The following GRID1 variants were observed in gnomAD, a reference collection of about 807,000 sequenced individuals.
GRID1 encodes glutamate receptor ionotropic, delta-1.
Under a neutral mutation model 98.0 loss-of-function variants are expected in GRID1, and 28 were observed. The observed-to-expected ratio is 0.29, with a 90% CI of 0.21 to 0.39. The LOEUF (loss-of-function observed/expected upper bound fraction) is 0.39, where lower values mean the gene tolerates loss of function less well. Ranked by LOEUF, GRID1 falls within the 10% of genes least tolerant of loss-of-function variation. The pLI is 1.00. For missense variants in GRID1, 1,111 were observed against 1,340.5 expected, an observed-to-expected ratio of 0.83 and a Z score of 2.67; for synonymous variants, 553 against 538.5, an observed-to-expected ratio of 1.03 and a Z score of -0.37.
At chr10:86,132,139 G>T (rs1334723075) in intron 4 of GRID1, among the ~76,000 whole-genome samples, 1 of 152,134 alleles carries the variant, frequency 6.6e-6, no homozygotes, top group Non-Finnish European at 1.5e-5. Context: ...CCAGAGGCCT[G>T]CAAGACCAGT....
chr10:86,130,516 G>GAAGGA (rs1461765496), intron 4 of GRID1, among the ~76,000 whole-genome samples: 1 of 152,234 alleles, frequency 6.6e-6, no homozygotes, highest in African/African-American at 2.4e-5. Context: ...ACACAGTAGA[G>GAAGGA]AAGGAGAGGA....
intron 12 of GRID1, among the ~76,000 whole-genome samples, chr10:85,649,725 TA>T (rs1369930056): frequency 4.6e-5 from 7 of 152,134 alleles, no homozygotes; most frequent in African/African-American, 1.7e-4. Context: ...TATTATTCAT[TA>T]AGGCGCCCAC....
intron 4 of GRID1, among the ~76,000 whole-genome samples, chr10:86,121,583 C>G (rs368731782): frequency 3.5e-4 from 37 of 106,908 alleles, no homozygotes; most frequent in East Asian, 1.7e-3. Flanking sequence ...ACATCACCAC[C>G]ATCACCATCA....
At chr10:85,946,226 T>A (rs1842052085) in intron 4 of GRID1, among the ~76,000 whole-genome samples, 1 of 152,196 alleles carries the variant, frequency 6.6e-6, no homozygotes, top group Non-Finnish European at 1.5e-5. Flanking sequence ...CAAGGTACTA[T>A]AAAGAGTCTG....
intron 3 of GRID1, among the ~76,000 whole-genome samples, chr10:86,196,022 G>C (rs1845867230): frequency 6.6e-6 from 1 of 152,074 alleles, no homozygotes; most frequent in Non-Finnish European, 1.5e-5. Flanking sequence ...CCTCACATCA[G>C]AAGAGGAAAA....
At position 85,906,323 on chromosome 10, in the gene GRID1, C is replaced by A. The variant is rs76585774; in HGVS notation, c.780+9863G>T. Among the ~76,000 whole-genome samples the A allele has an allele frequency of 2.5e-3, 377 of 152,120 alleles. 3 individuals are homozygous for A. The highest frequency in any genetic ancestry group is 8.9e-3 in the African/African-American group (368 of 41,526). ...ATTAAGGATGAGTATTTTAATACTC[C>A]TCTCTAAATAATTGATAGAAAAAGT... On this transcript the variant is annotated intron_variant, in intron 5 of 15. Transcript: ENST00000327946.
In GRID1 at chr10:85,971,330, C is replaced by A. The variant is rs1842404795; in HGVS notation, c.727-55091G>T. On this transcript the variant is annotated intron_variant, in intron 4 of 15. Transcript: ENST00000327946. Reference sequence around the variant, plus strand: ...AAGGCAGTAACCATTTAAAAATAATCAATCATACTTTATTAAAAAGTAATA... The same window carrying A: ...AAGGCAGTAACCATTTAAAAATAATAAATCATACTTTATTAAAAAGTAATA... 2.0e-5 allele frequency among the ~76,000 whole-genome samples: 3 copies of A among 151,926 alleles called. No individual in the cohort carries two copies. The South Asian group carries it at 6.2e-4, about 31-fold the overall frequency.
chr10:85,666,668 C>T (rs1300156031), intron 12 of GRID1, among the ~76,000 whole-genome samples: 4 of 152,180 alleles, frequency 2.6e-5, no homozygotes, highest in Non-Finnish European at 5.9e-5. Context: ...TGACTGATTT[C>T]GGTTACTACA....
intron 6 of GRID1, among the ~76,000 whole-genome samples, chr10:85,868,359 C>T (rs1279289109): frequency 6.6e-6 from 1 of 152,230 alleles, no homozygotes; most frequent in African/African-American, 2.4e-5. Context: ...CCACCTCTTA[C>T]ACTAGGCACA....
At chr10:85,634,366 T>A (rs1412883461) in intron 13 of GRID1, among the ~76,000 whole-genome samples, 1 of 151,374 alleles carries the variant, frequency 6.6e-6, no homozygotes, top group Non-Finnish European at 1.5e-5. Flanking sequence ...TATCCTCATG[T>A]TGTAGAGTGA....
intron 2 of GRID1, among the ~76,000 whole-genome samples, chr10:86,262,031 G>C (rs186601836): frequency 2.6e-5 from 4 of 152,230 alleles, no homozygotes; most frequent in Non-Finnish European, 5.9e-5. Flanking sequence ...ACTGAGGCTC[G>C]GATAGGTGAA....
At chr10:85,629,871 T>G (rs1439666161) in intron 13 of GRID1, among the ~76,000 whole-genome samples, 1 of 152,188 alleles carries the variant, frequency 6.6e-6, no homozygotes, top group Non-Finnish European at 1.5e-5. Context: ...CACTAACATC[T>G]GTTATTTTTT....
At chr10:86,322,037 C>A (rs933483095) in intron 2 of GRID1, among the ~76,000 whole-genome samples, 1 of 151,810 alleles carries the variant, frequency 6.6e-6, no homozygotes, top group Admixed American at 6.6e-5. Flanking sequence ...ACACTTTGAA[C>A]GAGAAAACAG....
At chr10:86,335,830 C>G (rs140290927) in intron 2 of GRID1, among the ~76,000 whole-genome samples, 2 of 152,328 alleles carry the variant, frequency 1.3e-5, no homozygotes, top group Non-Finnish European at 2.9e-5. Context: ...CTCACACTTC[C>G]CATGGCCACT....
chr10:86,202,869 GCATCAGC>G (rs1258207107), intron 3 of GRID1, among the ~76,000 whole-genome samples: 1 of 152,212 alleles, frequency 6.6e-6, no homozygotes. Context: ...TAAAGTGACT[GCATCAGC>G]CTAGAGCATG....
chr10:86,054,668 G>C (rs1157095550), intron 4 of GRID1, among the ~76,000 whole-genome samples: 1 of 152,176 alleles, frequency 6.6e-6, no homozygotes, highest in East Asian at 1.9e-4. Context: ...TAACATAATA[G>C]CAGCTATCTC....
intron 4 of GRID1, among the ~76,000 whole-genome samples, chr10:85,953,575 C>T (rs1256410823): frequency 6.6e-6 from 1 of 152,156 alleles, no homozygotes; most frequent in Admixed American, 6.5e-5. Flanking sequence ...CTATGTATAA[C>T]TAAAAAAGCC....
intron 12 of GRID1, among the ~76,000 whole-genome samples, chr10:85,662,673 T>G (rs1310552810): frequency 6.6e-6 from 1 of 152,186 alleles, no homozygotes; most frequent in East Asian, 1.9e-4. Flanking sequence ...ATGACATTTT[T>G]CCTGATGCCA....
chr10:85,648,160 G>A (rs1282532965), intron 12 of GRID1: 1 of 152,208 alleles, frequency 6.6e-6, no homozygotes. Flanking sequence ...TTAGAGGAGT[G>A]GCAGGTGGCT....
Sources: allele counts gnomAD v4.1 joint callset (sites outside exome capture counted in the v4.1 genomes callset), GRCh38; gene constraint gnomAD v4.1.1; transcripts MANE v1.5; gene names NCBI Gene and HGNC (gene_info 2026-07-23, HGNC 2026-07-21).